The following RC3H1 variants were observed in gnomAD, a reference collection of about 807,000 sequenced individuals.
RC3H1 encodes roquin-1.
RC3H1 carries 50 observed loss-of-function variants against 138.2 expected under a neutral mutation model. The ratio of observed to expected loss-of-function variants is 0.36; its 90% CI spans 0.29 to 0.46. The LOEUF (loss-of-function observed/expected upper bound fraction) is 0.46, where lower values mean the gene tolerates loss of function less well. Among genes scored for constraint, RC3H1 ranks in the 20% least tolerant of loss-of-function variants. The pLI, the probability that RC3H1 is intolerant of heterozygous loss-of-function variation, is 1.00. For missense variants in RC3H1, 1,031 were observed against 1,388.1 expected (o/e 0.74, Z 4.09); for synonymous variants, 462 against 489.1 (o/e 0.94, Z 0.73).
rs1658396081 is a variant in RC3H1 at position 173,931,944 on chromosome 1, G to A, written c.*6777C>T. On this transcript the variant is annotated 3_prime_UTR_variant, in exon 20 of 20. Coordinates refer to ENST00000367696, the MANE Select transcript of RC3H1 (RefSeq NM_172071.4). ...TGAACAGGGGGGTGGAGGCAGGCAA[G>A]AAAGAATAGGGAGCTGTGGCAATAA... 6.6e-6 allele frequency: 1 copy of A among 151,604 alleles called. No homozygotes were observed. Among genetic ancestry groups the A allele is most frequent in the Non-Finnish European group, 1.5e-5 (1 of 67,902 alleles). 9.4% of individuals were successfully genotyped at this position (151,604 alleles called of 1,614,324 possible).
intron 5 of RC3H1, 67 bp from the exon 6 acceptor site, chr1:173,981,076 A>T (rs1660794709): frequency 6.8e-6 from 9 of 1,331,492 alleles, no homozygotes; most frequent in Non-Finnish European, 9.4e-6. Context: ...ATGAACATAT[A>T]ATTTTTAATG....
chr1:173,958,615 CA>C (rs1365223253), intron 13 of RC3H1, among the ~76,000 whole-genome samples: 1 of 150,156 alleles, frequency 6.7e-6, no homozygotes, highest in African/African-American at 2.4e-5. Context: ...GCAGGACTGA[CA>C]AAAAAAAATT....
At chr1:173,947,294 TA>T in intron 15 of RC3H1, 74 bp downstream of exon 15, 1 of 985,078 alleles carries the variant, frequency 1.0e-6, no homozygotes, top group Non-Finnish European at 1.6e-6. Flanking sequence ...ACACTGATAG[TA>T]AATGGAGAGC....
intron 14 of RC3H1, 120 bp from the exon 15 acceptor site, chr1:173,947,702 C>T: frequency 1.4e-6 from 1 of 704,532 alleles, no homozygotes; most frequent in East Asian, 2.6e-5. Context: ...AGACTAAAAT[C>T]ATTAGTTACC....
chr1:173,955,494 C>T (rs1029498035), intron 13 of RC3H1, among the ~76,000 whole-genome samples: 3 of 151,060 alleles, frequency 2.0e-5, no homozygotes, highest in African/African-American at 7.3e-5. Context: ...GTTTTGTTTT[C>T]GTATTTTTCG....
At chr1:174,007,524 C>G (rs1331335952) in intron 1 of RC3H1, among the ~76,000 whole-genome samples, 1 of 152,092 alleles carries the variant, frequency 6.6e-6, no homozygotes, top group Non-Finnish European at 1.5e-5. Flanking sequence ...AGTGCAGTGG[C>G]ATGATCATGG....
At chr1:173,943,645 C>G in intron 17 of RC3H1, 30 bp from the exon 18 acceptor site, 1 of 1,590,750 alleles carries the variant, frequency 6.3e-7, no homozygotes, top group Non-Finnish European at 8.6e-7. Context: ...ACACAGAAAA[C>G]TCAACACACT....
intron 1 of RC3H1, among the ~76,000 whole-genome samples, chr1:173,994,561 G>A (rs889448238): frequency 1.3e-5 from 2 of 152,050 alleles, no homozygotes; most frequent in African/African-American, 2.4e-5. Context: ...CACTTTCAGA[G>A]GCTGAGATGG....
chr1:173,945,077 A>G (rs1659075076), intron 17 of RC3H1, among the ~76,000 whole-genome samples: 1 of 152,122 alleles, frequency 6.6e-6, no homozygotes, highest in Non-Finnish European at 1.5e-5. Flanking sequence ...TGATGTATAA[A>G]CAAAACCTAG....
intron 1 of RC3H1, among the ~76,000 whole-genome samples, chr1:173,997,581 T>C (rs1479038037): frequency 6.6e-6 from 1 of 152,192 alleles, no homozygotes. Flanking sequence ...TAAAGTAAGG[T>C]ATGTAGTTGT....
At chr1:174,002,737 C>T (rs1395041713) in intron 1 of RC3H1, among the ~76,000 whole-genome samples, 3 of 152,150 alleles carry the variant, frequency 2.0e-5, no homozygotes, top group Non-Finnish European at 4.4e-5. Context: ...ACAAAAGCTG[C>T]CCTTTTCTAG....
At chr1:173,945,993 C>A (rs954319126) in intron 17 of RC3H1, among the ~76,000 whole-genome samples, 2 of 151,966 alleles carry the variant, frequency 1.3e-5, no homozygotes, top group Non-Finnish European at 2.9e-5. Flanking sequence ...AGGGGTGAAA[C>A]CCTATCTCTA....
At chr1:173,947,730 AACACTGGTTTTT>A in intron 14 of RC3H1, 148 bp from the exon 15 acceptor site, 1 of 658,220 alleles carries the variant, frequency 1.5e-6, no homozygotes, top group South Asian at 1.9e-5. Flanking sequence ...GTTTTTATGT[AACACTGGTTTTT>A]AAACCTCTGA....
At chr1:173,989,379 T>C (rs1279444454) in intron 2 of RC3H1, among the ~76,000 whole-genome samples, 1 of 152,174 alleles carries the variant, frequency 6.6e-6, no homozygotes, top group Admixed American at 6.5e-5. Flanking sequence ...TTTTTTGTAT[T>C]TTCTGTAGAG....
intron 18 of RC3H1, among the ~76,000 whole-genome samples, 185 bp downstream of exon 18, chr1:173,943,257 C>T (rs964937029): frequency 6.6e-6 from 1 of 152,102 alleles, no homozygotes; most frequent in Non-Finnish European, 1.5e-5. Context: ...AGAACACACC[C>T]AAACCAAGAG....
intron 9 of RC3H1, among the ~76,000 whole-genome samples, chr1:173,965,589 CA>C (rs35376093): frequency 0.29 from 43,895 of 151,154 alleles, 11,349 homozygotes; most frequent in African/African-American, 0.7. Flanking sequence ...GATTCTGTCT[CA>C]AAAAAAAGAG....
chr1:174,014,598 A>C (rs1661824550), intron 1 of RC3H1, among the ~76,000 whole-genome samples: 1 of 152,236 alleles, frequency 6.6e-6, no homozygotes. Flanking sequence ...GTAGAACTTG[A>C]TCAAAAATAT....
In RC3H1 at chr1:173,936,766, T is replaced by A. The variant is rs1199442990; in HGVS notation, c.*1955A>T. On this transcript the variant is annotated 3_prime_UTR_variant, in exon 20 of 20. Transcript: ENST00000367696. ...ATATATATATATATATATATATTTT[T>A]TTTTTTTTTTTTAAAAAAAGAAGAC... is the stretch of plus-strand genomic sequence containing the variant. The A allele has an allele frequency of 4.1e-5, 2 of 49,288 alleles. No individual in the cohort carries two copies. Among genetic ancestry groups the A allele is most frequent in the Non-Finnish European group, 7.3e-5 (2 of 27,516 alleles). 3.1% of individuals were successfully genotyped at this position (49,288 alleles called of 1,614,324 possible). A position where few individuals can be genotyped will look rare whatever the true frequency, so the allele number is the denominator to read the frequency against.
intron 1 of RC3H1, among the ~76,000 whole-genome samples, chr1:173,996,808 A>C (rs887186206): frequency 1.3e-5 from 2 of 152,088 alleles, no homozygotes; most frequent in Non-Finnish European, 2.9e-5. Context: ...ACTGCTTTGG[A>C]GAATACTCCC....
Sources: gnomAD v4.1 joint callset for allele counts (sites outside exome capture counted in the v4.1 genomes callset) on GRCh38, gnomAD v4.1.1 for gene constraint, MANE v1.5 for transcripts, NCBI Gene and HGNC (gene_info 2026-07-23, HGNC 2026-07-21) for gene names.